MAGI2: variants seen among roughly 807,000 people sequenced by gnomAD.
MAGI2 encodes membrane-associated guanylate kinase, WW and PDZ domain-containing protein 2.
Under a neutral mutation model 133.3 loss-of-function variants are expected in MAGI2, and 35 were observed. That is an observed-to-expected ratio of 0.26 (90% CI 0.20 to 0.35). The LOEUF is 0.35. MAGI2 is among the 10% of genes least tolerant of loss of function. The probability of loss-of-function intolerance (pLI) is 1.00; values close to 1 mark genes in which losing one functional copy is unlikely to be tolerated. For synonymous variants in MAGI2, 729 were observed against 710.6 expected, an observed-to-expected ratio of 1.03 and a Z score of -0.41; for missense variants, 1,636 against 1,863.4, an observed-to-expected ratio of 0.88 and a Z score of 2.25.
chr7:79,305,244 A>C (rs1041254884), intron 1 of MAGI2, among the ~76,000 whole-genome samples: 1 of 152,206 alleles, frequency 6.6e-6, no homozygotes, highest in Non-Finnish European at 1.5e-5. Context: ...ATATTGATAG[A>C]GCATACATAT....
intron 2 of MAGI2, among the ~76,000 whole-genome samples, chr7:78,777,818 T>C (rs1440807478): frequency 6.6e-6 from 1 of 152,158 alleles, no homozygotes; most frequent in Non-Finnish European, 1.5e-5. Flanking sequence ...ATAAAATGCT[T>C]TCTCCTTAAT....
intron 3 of MAGI2, among the ~76,000 whole-genome samples, chr7:78,569,727 A>G (rs1246530519): frequency 6.6e-6 from 1 of 152,240 alleles, no homozygotes; most frequent in Non-Finnish European, 1.5e-5. Context: ...ACACATTTTC[A>G]CAAAGGAAAC....
chr7:78,763,652 C>T (rs1824735806), intron 2 of MAGI2, among the ~76,000 whole-genome samples: 1 of 152,150 alleles, frequency 6.6e-6, no homozygotes, highest in Admixed American at 6.5e-5. Context: ...TAAGCGAAAC[C>T]CCGCTCTTTA....
intron 1 of MAGI2, among the ~76,000 whole-genome samples, chr7:79,422,459 T>C (rs1383395281): frequency 6.6e-6 from 1 of 152,008 alleles, no homozygotes; most frequent in Admixed American, 6.6e-5. Context: ...AATTTAATTA[T>C]AATATCAAAC....
chr7:78,995,017 G>A (rs1046389113), intron 2 of MAGI2, among the ~76,000 whole-genome samples: 2 of 152,048 alleles, frequency 1.3e-5, no homozygotes, highest in African/African-American at 4.8e-5. Context: ...TAGTAGAGCT[G>A]ACATCAAAAT....
At chr7:78,471,557 A>G (rs1791204826) in intron 6 of MAGI2, among the ~76,000 whole-genome samples, 1 of 152,168 alleles carries the variant, frequency 6.6e-6, no homozygotes, top group Admixed American at 6.5e-5. Context: ...ACTTCTATGT[A>G]TATTTCAAAG....
At chr7:79,239,432 C>T (rs1445645755) in intron 1 of MAGI2, among the ~76,000 whole-genome samples, 1 of 152,176 alleles carries the variant, frequency 6.6e-6, no homozygotes, top group East Asian at 1.9e-4. Context: ...TCACATGTCA[C>T]TGATCAATGG....
chr7:78,143,178 C>G (rs1245779138), intron 16 of MAGI2, among the ~76,000 whole-genome samples: 1 of 152,114 alleles, frequency 6.6e-6, no homozygotes, highest in Admixed American at 6.6e-5. Flanking sequence ...TAGCTTTTAG[C>G]AAGCATGGCT....
intron 2 of MAGI2, among the ~76,000 whole-genome samples, chr7:78,745,751 T>G (rs1822869889): frequency 6.6e-6 from 1 of 152,288 alleles, no homozygotes; most frequent in South Asian, 2.1e-4. Flanking sequence ...CACTTACTAT[T>G]TCCCTTATTT....
intron 1 of MAGI2, among the ~76,000 whole-genome samples, chr7:79,188,873 T>C (rs908943795): frequency 3.3e-5 from 5 of 151,932 alleles, no homozygotes. Flanking sequence ...CATTTCCATA[T>C]GCGTGTATAT....
chr7:78,372,989 T>G (rs1585040471), intron 6 of MAGI2, among the ~76,000 whole-genome samples: 1 of 8,882 alleles, frequency 1.1e-4, no homozygotes, highest in Non-Finnish European at 2.1e-4. Context: ...AATAACCTTA[T>G]GTGTGTGTAT....
At chr7:78,889,123 G>A (rs1421568041) in intron 2 of MAGI2, among the ~76,000 whole-genome samples, 1 of 152,180 alleles carries the variant, frequency 6.6e-6, no homozygotes, top group African/African-American at 2.4e-5. Context: ...GGAAGAAAGG[G>A]TATCAGTGGT....
intron 2 of MAGI2, among the ~76,000 whole-genome samples, chr7:78,704,422 G>A (rs900140856): frequency 3.9e-5 from 6 of 152,000 alleles, no homozygotes; most frequent in South Asian, 2.1e-4. Context: ...AAAATAACAC[G>A]CTAGTGAAGT....
chr7:78,725,305 TA>T (rs1554544674), intron 2 of MAGI2, among the ~76,000 whole-genome samples: 2 of 152,172 alleles, frequency 1.3e-5, no homozygotes, highest in East Asian at 1.9e-4. Flanking sequence ...TTCTGAGCAC[TA>T]AAAAAATTTA....
chr7:79,308,813 C>A (rs180867714), intron 1 of MAGI2, among the ~76,000 whole-genome samples: 3 of 152,092 alleles, frequency 2.0e-5, no homozygotes, highest in Non-Finnish European at 4.4e-5. Context: ...ATAATCATTT[C>A]TTTTCTTAAG....
intron 1 of MAGI2, among the ~76,000 whole-genome samples, chr7:79,362,993 T>C (rs1346534165): frequency 6.6e-6 from 1 of 151,564 alleles, no homozygotes; most frequent in Admixed American, 6.6e-5. Flanking sequence ...AGAGATTAGA[T>C]AGGAAGAAAT....
chr7:78,534,190 A>T (rs2150635812), intron 3 of MAGI2, among the ~76,000 whole-genome samples: 1 of 152,358 alleles, frequency 6.6e-6, no homozygotes, highest in African/African-American at 2.4e-5. Flanking sequence ...ATAAATTCTG[A>T]CAAGAGCTAA....
intron 4 of MAGI2, among the ~76,000 whole-genome samples, chr7:78,507,548 A>G (rs1795195955): frequency 6.6e-6 from 1 of 152,178 alleles, no homozygotes; most frequent in African/African-American, 2.4e-5. Context: ...ACTCTCCTAG[A>G]CATTCAAGGC....
At position 78,795,402 on chromosome 7, in the gene MAGI2, T is replaced by C. The variant is rs149326784; in HGVS notation, c.419-168163A>G. On this transcript the variant is annotated intron_variant, in intron 2 of 21. Coordinates refer to ENST00000354212, the MANE Select transcript of MAGI2 (RefSeq NM_012301.4). The stretch of plus-strand genomic sequence containing the variant: ...AACATACGAGAACCAGTGGCATTTC[T>C]ATACACTAACAATGATCAATCTGCA... Among the ~76,000 whole-genome samples the C allele has an allele frequency of 3.5e-3, 536 of 152,150 alleles. 25 individuals carry two copies. The highest frequency in any genetic ancestry group is 0.033 in the Admixed American group (497 of 15,264).
Sources: gnomAD v4.1 joint callset for allele counts (sites outside exome capture counted in the v4.1 genomes callset) on GRCh38, gnomAD v4.1.1 for gene constraint, MANE v1.5 for transcripts, NCBI Gene and HGNC (gene_info 2026-07-23, HGNC 2026-07-21) for gene names.